COBL: variants seen among roughly 807,000 people sequenced by gnomAD.
COBL encodes cordon-bleu WH2 repeat protein, also known as protein cordon-bleu.
A neutral mutation model predicts 98.8 loss-of-function variants in COBL; 51 were observed. The observed-to-expected ratio is 0.52, with a 90% CI of 0.41 to 0.65. The LOEUF (loss-of-function observed/expected upper bound fraction) is 0.65. Among genes scored for constraint, COBL ranks in the 30% least tolerant of loss-of-function variants. The pLI is 0.00. For synonymous variants in COBL, 634 were observed against 651.7 expected, an observed-to-expected ratio of 0.97 and a Z score of 0.41; for missense variants, 1,617 against 1,617.5, an observed-to-expected ratio of 1.00 and a Z score of 0.01.
intron 1 of COBL, among the ~76,000 whole-genome samples, chr7:51,313,329 T>C (rs1803234739): frequency 6.6e-6 from 1 of 152,200 alleles, no homozygotes; most frequent in Admixed American, 6.5e-5. Flanking sequence ...GTCACAGGCC[T>C]TCTACACTTA....
intron 2 of COBL, among the ~76,000 whole-genome samples, chr7:51,203,340 T>C (rs1316447642): frequency 8.6e-5 from 12 of 139,920 alleles, no homozygotes. Context: ...CGGGCGCCTG[T>C]AGTCCCAGCT....
intron 7 of COBL, chr7:51,073,117 A>C (rs1456369584): frequency 2.6e-6 from 1 of 380,386 alleles, no homozygotes; most frequent in Non-Finnish European, 4.6e-6. Context: ...ACAGGTGAAT[A>C]TTATCAACCT....
intron 6 of COBL, among the ~76,000 whole-genome samples, chr7:51,104,543 T>C (rs971959165): frequency 2.0e-5 from 3 of 152,208 alleles, no homozygotes; most frequent in Non-Finnish European, 4.4e-5. Context: ...CTCCCTTGTT[T>C]ACTGTTAGGA....
chr7:51,234,157 G>T (rs1795019353), intron 1 of COBL, among the ~76,000 whole-genome samples: 1 of 152,178 alleles, frequency 6.6e-6, no homozygotes, highest in Admixed American at 6.5e-5. Flanking sequence ...ATTCTCCGTT[G>T]AAAATATGAC....
chr7:51,041,315 T>C (rs971577212), intron 8 of COBL, among the ~76,000 whole-genome samples: 13 of 152,088 alleles, frequency 8.5e-5, no homozygotes, highest in Admixed American at 2.6e-4. Flanking sequence ...CAAAGAAATA[T>C]AAAGTATTAT....
At chr7:51,246,454 C>T (rs1358543266) in intron 1 of COBL, among the ~76,000 whole-genome samples, 2 of 152,184 alleles carry the variant, frequency 1.3e-5, no homozygotes, top group Non-Finnish European at 2.9e-5. Flanking sequence ...GGCTCACTCC[C>T]CAAAGCTCCA....
intron 1 of COBL, among the ~76,000 whole-genome samples, chr7:51,244,528 T>C (rs1796114242): frequency 6.6e-6 from 1 of 152,094 alleles, no homozygotes; most frequent in African/African-American, 2.4e-5. Context: ...CATTTGACAA[T>C]ACAGAGGTAC....
Position 51,256,233 on chromosome 7 carries a change from AAAG to A in COBL, c.42-36292_42-36290del, listed in dbSNP as rs1323608831. On this transcript the variant is annotated intron_variant, in intron 1 of 12. Transcript: ENST00000265136. ...TATTGCCCTGGGTACTTTAGCTGGC[AAAG>A]AACAAATTAGCATTCTCAATCTATA... Among the ~76,000 whole-genome samples, 5 of 152,282 alleles carry A rather than the reference AAAG, an allele frequency of 3.3e-5. No individual in the cohort carries two copies. In the East Asian group the frequency reaches 9.7e-4, roughly 29 times the overall value.
intron 1 of COBL, among the ~76,000 whole-genome samples, chr7:51,315,570 C>CGT (rs34392784): frequency 0.038 from 5,853 of 152,288 alleles, 190 homozygotes; most frequent in African/African-American, 0.079. Flanking sequence ...AGGGCTCACC[C>CGT]CAACCCTCAT....
chr7:51,264,286 C>G (rs1216050382), intron 1 of COBL, among the ~76,000 whole-genome samples: 1 of 152,142 alleles, frequency 6.6e-6, no homozygotes, highest in African/African-American at 2.4e-5. Flanking sequence ...GCTGAATAAG[C>G]CAGGATGCAG....
intron 8 of COBL, chr7:51,035,506 T>A (rs923512240): frequency 1.8e-4 from 28 of 152,200 alleles, no homozygotes; most frequent in Non-Finnish European, 5.9e-5. Flanking sequence ...AATATGCAGT[T>A]GATGATAGTC....
At chr7:51,195,972 A>G (rs1321076851) in intron 2 of COBL, among the ~76,000 whole-genome samples, 1 of 152,082 alleles carries the variant, frequency 6.6e-6, no homozygotes, top group Non-Finnish European at 1.5e-5. Flanking sequence ...CTCTCTTCCT[A>G]TTTGTATGCC....
chr7:51,184,636 C>T (rs1789310243), intron 4 of COBL, among the ~76,000 whole-genome samples: 1 of 152,052 alleles, frequency 6.6e-6, no homozygotes, highest in South Asian at 2.1e-4. Context: ...TCATGCAGTC[C>T]ATATAAAAAG....
intron 5 of COBL, among the ~76,000 whole-genome samples, chr7:51,168,146 C>A (rs2129040831): frequency 6.6e-6 from 1 of 152,264 alleles, no homozygotes; most frequent in Non-Finnish European, 1.5e-5. Context: ...TAGGAGAAAA[C>A]ACTTGCAAAC....
At chr7:51,130,961 C>T (rs1583897044) in intron 6 of COBL, among the ~76,000 whole-genome samples, 1 of 152,206 alleles carries the variant, frequency 6.6e-6, no homozygotes, top group South Asian at 2.1e-4. Context: ...TTCATGCTTT[C>T]AAGTGCAAGG....
intron 1 of COBL, among the ~76,000 whole-genome samples, chr7:51,311,616 T>C (rs1803046578): frequency 6.6e-6 from 1 of 152,156 alleles, no homozygotes; most frequent in African/African-American, 2.4e-5. Context: ...AAAAGTGACG[T>C]AGGCTTCCCA....
chr7:51,191,988 T>TC (rs993507438), intron 3 of COBL, among the ~76,000 whole-genome samples: 2 of 152,116 alleles, frequency 1.3e-5, no homozygotes, highest in Non-Finnish European at 2.9e-5. Flanking sequence ...CCTTTACTGG[T>TC]CCTCTCCTGC....
chr7:51,187,781 T>C, intron 4 of COBL: 1 of 639,224 alleles, frequency 1.6e-6, no homozygotes, highest in Non-Finnish European at 2.2e-6. Flanking sequence ...GCATGCACCT[T>C]CAGGAGGGCC....
intron 4 of COBL, 60 bp downstream of exon 4, chr7:51,190,790 T>C (rs957807175): frequency 2.9e-6 from 4 of 1,374,378 alleles, no homozygotes; most frequent in Non-Finnish European, 2.1e-6. Flanking sequence ...ACAGGGGACA[T>C]GTACACGCCG....
Sources: allele counts gnomAD v4.1 joint callset (sites outside exome capture counted in the v4.1 genomes callset), GRCh38; gene constraint gnomAD v4.1.1; transcripts MANE v1.5; gene names NCBI Gene and HGNC (gene_info 2026-07-23, HGNC 2026-07-21).